The following MYRIP variants were observed in gnomAD, a reference collection of about 807,000 sequenced individuals.
MYRIP encodes the protein rab effector MyRIP.
MYRIP carries 49 observed loss-of-function variants against 98.0 expected under a neutral mutation model. That is an observed-to-expected ratio of 0.50 (90% confidence interval 0.40 to 0.63). The LOEUF is 0.63. Ranked by LOEUF, MYRIP falls within the 30% of genes least tolerant of loss-of-function variation. The pLI is 0.00. For synonymous variants in MYRIP, 404 were observed against 409.5 expected (o/e 0.99, Z 0.16); for missense variants, 1,004 against 1,058.2 (o/e 0.95, Z 0.71).
At chr3:40,081,257 A>T (rs1169230504) in intron 3 of MYRIP, among the ~76,000 whole-genome samples, 1 of 152,092 alleles carries the variant, frequency 6.6e-6, no homozygotes, top group East Asian at 1.9e-4. Flanking sequence ...ATCAAGCTTG[A>T]TATTGTGCTG....
chr3:40,081,253 C>G (rs749086895), intron 3 of MYRIP, among the ~76,000 whole-genome samples: 2 of 152,114 alleles, frequency 1.3e-5, no homozygotes, highest in Non-Finnish European at 2.9e-5. Flanking sequence ...TTAGATCAAG[C>G]TTGATATTGT....
intron 2 of MYRIP, among the ~76,000 whole-genome samples, chr3:39,983,926 C>G (rs1945957596): frequency 6.6e-6 from 1 of 152,128 alleles, no homozygotes; most frequent in African/African-American, 2.4e-5. Flanking sequence ...CTTTTGGAAA[C>G]TGAAAATTAA....
At chr3:39,990,479 A>G (rs1946147357) in intron 2 of MYRIP, among the ~76,000 whole-genome samples, 1 of 152,206 alleles carries the variant, frequency 6.6e-6, no homozygotes, top group African/African-American at 2.4e-5. Flanking sequence ...TCTGAACAAT[A>G]AAGATAGCTC....
chr3:40,068,591 G>A (rs191231498), intron 3 of MYRIP, among the ~76,000 whole-genome samples: 17 of 152,160 alleles, frequency 1.1e-4, no homozygotes, highest in East Asian at 3.9e-4. Context: ...ATCAACTTAC[G>A]GAGATATGAA....
intron 1 of MYRIP, among the ~76,000 whole-genome samples, chr3:39,861,850 G>A (rs904794459): frequency 6.6e-6 from 1 of 152,128 alleles, no homozygotes; most frequent in Non-Finnish European, 1.5e-5. Flanking sequence ...TATGTAAAGA[G>A]ATCAAATCTA....
chr3:40,022,632 G>A (rs909574264), intron 2 of MYRIP, among the ~76,000 whole-genome samples: 1 of 152,138 alleles, frequency 6.6e-6, no homozygotes, highest in Non-Finnish European at 1.5e-5. Flanking sequence ...TGCAATGCAG[G>A]TCGGGGATGT....
chr3:39,918,789 T>C (rs893507347), intron 2 of MYRIP, among the ~76,000 whole-genome samples: 2 of 152,174 alleles, frequency 1.3e-5, no homozygotes, highest in Non-Finnish European at 2.9e-5. Context: ...AGTGAGGTTG[T>C]GGTGTCAAGA....
intron 3 of MYRIP, among the ~76,000 whole-genome samples, chr3:40,060,159 A>AT (rs762466179): frequency 1.3e-5 from 2 of 152,106 alleles, no homozygotes; most frequent in East Asian, 3.8e-4. Context: ...AAAAAAAAAA[A>AT]TTTTACAAGG....
chr3:39,862,180 A>G (rs1455399983), intron 1 of MYRIP, among the ~76,000 whole-genome samples: 1 of 152,252 alleles, frequency 6.6e-6, no homozygotes, highest in East Asian at 1.9e-4. Context: ...GATTGGAAGC[A>G]TATATTTAGC....
At chr3:39,828,478 T>TAA (rs1450069256) in intron 1 of MYRIP, among the ~76,000 whole-genome samples, 1 of 151,744 alleles carries the variant, frequency 6.6e-6, no homozygotes, top group Non-Finnish European at 1.5e-5. Context: ...TATATATATA[T>TAA]AATATCTTTT....
intron 2 of MYRIP, among the ~76,000 whole-genome samples, chr3:40,028,181 A>G (rs1336635575): frequency 6.6e-6 from 1 of 152,182 alleles, no homozygotes; most frequent in Non-Finnish European, 1.5e-5. Flanking sequence ...ACAACCTGTC[A>G]GAGCTGGCGT....
At chr3:40,168,459 G>C (rs1950544262) in intron 7 of MYRIP, among the ~76,000 whole-genome samples, 2 of 152,168 alleles carry the variant, frequency 1.3e-5, no homozygotes. Context: ...GTGTTTATTA[G>C]CTCATATAAT....
rs570074169 is a variant in MYRIP at position 40,050,186 on chromosome 3, GGAA to G, written c.332+5921_332+5923del. Among the ~76,000 whole-genome samples, 176 of 152,230 alleles carry G rather than the reference GGAA, an allele frequency of 1.2e-3. 2 individuals are homozygous for G. The South Asian group carries it at 0.034, about 29-fold the overall frequency. ...AATGTTGACAAAACAGCCTTTTACTGGAAGAAGAGGCCATCTACAACTTTCATA... is the reference window on the plus strand; with the variant it reads ...AATGTTGACAAAACAGCCTTTTACTGGAAGAGGCCATCTACAACTTTCATA... On this transcript the variant is annotated intron_variant, in intron 3 of 16. Coordinates refer to ENST00000302541, the MANE Select transcript of MYRIP (RefSeq NM_015460.4).
At chr3:40,053,575 G>A (rs1031451305) in intron 3 of MYRIP, among the ~76,000 whole-genome samples, 7 of 152,156 alleles carry the variant, frequency 4.6e-5, no homozygotes, top group Non-Finnish European at 8.8e-5. Flanking sequence ...CAAGAACTCT[G>A]TGAAGGGCAA....
At position 39,987,494 on chromosome 3, in the gene MYRIP, G is replaced by A. The variant is rs190835933; in HGVS notation, c.111-56556G>A. On this transcript the variant is annotated intron_variant, in intron 2 of 16. Coordinates refer to ENST00000302541, the MANE Select transcript of MYRIP (RefSeq NM_015460.4). ...TTTGCCTGTGTCTTTATAATAGAAT[G>A]ATTTGTATTCCTTTGGTTATATACC... Among the ~76,000 whole-genome samples, 18 of 152,268 alleles carry A rather than the reference G, an allele frequency of 1.2e-4. No homozygotes were observed. The East Asian group carries it at 3.5e-3, about 29-fold the overall frequency.
intron 2 of MYRIP, among the ~76,000 whole-genome samples, chr3:40,027,509 C>T (rs549463863): frequency 1.1e-3 from 167 of 152,216 alleles, no homozygotes; most frequent in Non-Finnish European, 1.6e-3. Context: ...AGCTCCTTCT[C>T]ATCTTCATGT....
intron 3 of MYRIP, among the ~76,000 whole-genome samples, chr3:40,052,444 C>T (rs1417099565): frequency 7.2e-5 from 11 of 152,078 alleles, no homozygotes; most frequent in Non-Finnish European, 1.5e-4. Context: ...CAATTATCAC[C>T]GTGGGCTAAG....
At chr3:40,218,626 A>ATATATATATATATTT (rs1952221292) in intron 11 of MYRIP, among the ~76,000 whole-genome samples, 1 of 14,808 alleles carries the variant, frequency 6.8e-5, no homozygotes, top group African/African-American at 1.1e-4. Flanking sequence ...ATATATATAT[A>ATATATATATATATTT]TATATATATA....
chr3:40,188,066 C>T (rs975531453), intron 9 of MYRIP, among the ~76,000 whole-genome samples: 1 of 152,178 alleles, frequency 6.6e-6, no homozygotes, highest in African/African-American at 2.4e-5. Flanking sequence ...CACTTCCTGA[C>T]TCTCAAAATA....
Sources: allele counts gnomAD v4.1 joint callset (sites outside exome capture counted in the v4.1 genomes callset), GRCh38; gene constraint gnomAD v4.1.1; transcripts MANE v1.5; gene names NCBI Gene and HGNC (gene_info 2026-07-23, HGNC 2026-07-21).